The following CD300LB variants were observed in gnomAD, a reference collection of about 807,000 sequenced individuals.
CD300LB encodes CD300 molecule like family member b, also known as CMRF35-like molecule 7.
Under a neutral mutation model 20.8 loss-of-function variants are expected in CD300LB, and 18 were observed. That is an observed-to-expected ratio of 0.87 (90% CI 0.60 to 1.28). CD300LB has a LOEUF of 1.28. Ranked by LOEUF, CD300LB falls within the 50% of genes most tolerant of loss-of-function variation. The pLI, the probability that CD300LB is intolerant of heterozygous loss-of-function variation, is 0.00. For missense variants in CD300LB, 222 were observed against 251.8 expected (o/e 0.88, Z 0.80); for synonymous variants, 91 against 91.3 (o/e 1.00, Z 0.02).
At chr17:74,525,320 C>T (rs1907996586) in intron 2 of CD300LB, among the ~76,000 whole-genome samples, 1 of 152,138 alleles carries the variant, frequency 6.6e-6, no homozygotes, top group Admixed American at 6.5e-5. Flanking sequence ...GAGCAGGTGG[C>T]TGGGGACCTA....
intron 2 of CD300LB, among the ~76,000 whole-genome samples, chr17:74,524,839 C>T (rs1045775190): frequency 1.3e-5 from 2 of 152,194 alleles, no homozygotes; most frequent in Non-Finnish European, 2.9e-5. Context: ...GCTCAATCCC[C>T]TCTCTGCCCC....
At chr17:74,523,163 G>A (rs1907933561) in intron 3 of CD300LB, 1 of 533,774 alleles carries the variant, frequency 1.9e-6, no homozygotes, top group Non-Finnish European at 3.4e-6. Flanking sequence ...CAGCTCAACA[G>A]AAGCGCCAGA....
intron 2 of CD300LB, among the ~76,000 whole-genome samples, chr17:74,524,171 C>T (rs191139838): frequency 1.6e-3 from 237 of 152,340 alleles, no homozygotes; most frequent in Non-Finnish European, 2.9e-3. Context: ...TTAGGAGCAA[C>T]CATATAGGCA....
chr17:74,530,864 G>T (rs746149760), intron 1 of CD300LB, among the ~76,000 whole-genome samples: 10 of 151,642 alleles, frequency 6.6e-5, no homozygotes, highest in African/African-American at 1.2e-4. Flanking sequence ...GGAGTGCTGT[G>T]GTGCGATCAT....
At position 74,531,456 on chromosome 17, in the gene CD300LB, G is replaced by T; in HGVS notation, c.-106C>A. 1 of 1,591,492 alleles carries T rather than the reference G, an allele frequency of 6.3e-7. No homozygotes were observed. On this transcript the variant is annotated 5_prime_UTR_variant, in exon 1 of 4. An upstream open reading frame in the 5' UTR gains an earlier in-frame stop. Transcript: ENST00000392621. ...GCCTGAGCTCTGGCTTGCACCTTCT[G>T]CACATCTAGACCGCCTTTGACTTTC...
chr17:74,526,558 C>T (rs1908042561), intron 1 of CD300LB, among the ~76,000 whole-genome samples: 1 of 152,076 alleles, frequency 6.6e-6, no homozygotes, highest in Non-Finnish European at 1.5e-5. Flanking sequence ...ACTAAAAATA[C>T]AAAAATTAGC....
chr17:74,524,644 C>A (rs1033209376), intron 2 of CD300LB, among the ~76,000 whole-genome samples: 47 of 152,262 alleles, frequency 3.1e-4, no homozygotes, highest in African/African-American at 1.1e-3. Flanking sequence ...CAGGCTTTGG[C>A]CACACTAGGT....
chr17:74,530,247 C>T (rs1043941503), intron 1 of CD300LB, among the ~76,000 whole-genome samples: 3 of 152,200 alleles, frequency 2.0e-5, no homozygotes, highest in Non-Finnish European at 4.4e-5. Flanking sequence ...CTGTGTGGCC[C>T]ACACACATTG....
At chr17:74,528,796 G>C (rs777104119) in intron 1 of CD300LB, among the ~76,000 whole-genome samples, 11 of 152,338 alleles carry the variant, frequency 7.2e-5, no homozygotes, top group Middle Eastern at 3.4e-3. Flanking sequence ...TTATTCATAA[G>C]ACAGTCATGC....
chr17:74,521,308 C>T lies in CD300LB; in HGVS notation c.*1430G>A. ...GAAGCACCATGCTTTGGCTTTCCCT[C>T]CCGCGGAGCGGTGCCGTCCTCCCTG... On this transcript the variant is annotated 3_prime_UTR_variant, in exon 4 of 4. Coordinates refer to ENST00000392621, the MANE Select transcript of CD300LB (RefSeq NM_174892.4). 1 of 977,416 alleles carries T rather than the reference C, an allele frequency of 1.0e-6. No individual in the cohort carries two copies. The highest frequency in any genetic ancestry group is 1.2e-6 in the Non-Finnish European group (1 of 822,604). 60.5% of individuals were successfully genotyped at this position (977,416 alleles called of 1,614,324 possible).
intron 1 of CD300LB, among the ~76,000 whole-genome samples, chr17:74,529,508 G>C (rs146120646): frequency 5.3e-5 from 8 of 151,944 alleles, no homozygotes; most frequent in Admixed American, 1.3e-4. Context: ...AAGTCTTTTC[G>C]GGGCCGGGCA....
In CD300LB at chr17:74,525,758, G is replaced by A. The variant is rs17553512; in HGVS notation, c.360C>T (p.Ile120=). ...GPDLGTQVKV[I]VDPEGAASTT... ...TGAGAAAGTTCTTACCTGGGTCAAC[G>A]ATCACTTTCACTTGAGTCCCAAGGT... Residue 120 remains isoleucine (I), a synonymous_variant, in exon 2 of 4, where the codon ATC becomes ATT. Transcript: ENST00000392621. 816,740 of 1,612,034 alleles carry A rather than the reference G, an allele frequency of 0.51. 218,323 individuals are homozygous for A. Among genetic ancestry groups the A allele is most frequent in the Middle Eastern group, 0.6 (3,610 of 6,052 alleles).
In CD300LB at chr17:74,522,210, G is replaced by A; in HGVS notation, c.*528C>T. On this transcript the variant is annotated 3_prime_UTR_variant, in exon 4 of 4. Coordinates refer to ENST00000392621, the MANE Select transcript of CD300LB (RefSeq NM_174892.4). ...GGTCCATCCAGCCCCTCATGCCCTA[G>A]AACCAGGAACTCATCCCAGAATCAC... The A allele has an allele frequency of 1.0e-6, 1 of 985,942 alleles. No homozygotes were observed. Among genetic ancestry groups the A allele is most frequent in the Non-Finnish European group, 1.2e-6 (1 of 830,244 alleles). The allele number at this position is 985,942 out of a possible 1,614,324, so 61.1% of individuals were successfully genotyped here.
At chr17:74,529,022 TG>T (rs1174547362) in intron 1 of CD300LB, among the ~76,000 whole-genome samples, 2 of 151,990 alleles carry the variant, frequency 1.3e-5, no homozygotes, top group Non-Finnish European at 2.9e-5. Context: ...CCCCACTGCT[TG>T]GGGGGCTGAG....
rs759025254 is a variant in CD300LB, at chr17:74,525,878, G to A, written c.240C>T (p.Asp80=). 2 of 1,614,080 alleles carry A rather than the reference G, an allele frequency of 1.2e-6. No individual in the cohort carries two copies. The change falls in exon 2 of 4, where the codon GAC becomes GAT. Residue 80 remains aspartate, a synonymous_variant. Transcript: ENST00000392621. ...GEKSDRVSIK[D]NQKDRTFTVT... ...CAGTGAACGTGCGGTCTTTCTGATT[G>A]TCCTTGATGGACACACGGTCACTCT...
rs1034712778 is a variant in CD300LB at position 74,521,263 on chromosome 17, C to T, written c.*1475G>A. Reference sequence around the variant, plus strand: ...ACGTTGACAAGCGCCCATGTCCCCTCGCCCCTGAGTCCAGCTGGTGAAGCA... The same window carrying T: ...ACGTTGACAAGCGCCCATGTCCCCTTGCCCCTGAGTCCAGCTGGTGAAGCA... On this transcript the variant is annotated 3_prime_UTR_variant, in exon 4 of 4. Coordinates refer to ENST00000392621, the MANE Select transcript of CD300LB (RefSeq NM_174892.4). The T allele has an allele frequency of 1.1e-4, 76 of 686,612 alleles. No individual in the cohort carries two copies. The highest frequency in any genetic ancestry group is 1.3e-4 in the South Asian group (2 of 15,344). 42.5% of individuals were successfully genotyped at this position (686,612 alleles called of 1,614,324 possible). A position where few individuals can be genotyped will look rare whatever the true frequency, so the allele number is the denominator to read the frequency against.
At chr17:74,527,012 GACTCCCC>G (rs1908055913) in intron 1 of CD300LB, among the ~76,000 whole-genome samples, 1 of 152,172 alleles carries the variant, frequency 6.6e-6, no homozygotes, top group South Asian at 2.1e-4. Flanking sequence ...TTGCAGCTCA[GACTCCCC>G]TTAGCTAGCC....
rs534969597 is a variant in CD300LB at position 74,521,988 on chromosome 17, G to A, written c.*750C>T. The A allele has an allele frequency of 1.0e-6, 1 of 985,332 alleles. No individual in the cohort carries two copies. Among genetic ancestry groups the A allele is most frequent in the Non-Finnish European group, 1.2e-6 (1 of 829,944 alleles). 61.0% of individuals were successfully genotyped at this position (985,332 alleles called of 1,614,324 possible). A position where few individuals can be genotyped will look rare whatever the true frequency, so the allele number is the denominator to read the frequency against. On this transcript the variant is annotated 3_prime_UTR_variant, in exon 4 of 4. Transcript: ENST00000392621. ...TTCTTGAGGCCTGACAGGCTCTTTTGGGGAGGAGACCCAAGCTGTCATGCT... is the reference window on the plus strand; with the variant it reads ...TTCTTGAGGCCTGACAGGCTCTTTTAGGGAGGAGACCCAAGCTGTCATGCT...
At chr17:74,531,215 C>T in intron 1 of CD300LB, 96 bp downstream of exon 1, 3 of 1,391,864 alleles carry the variant, frequency 2.2e-6, no homozygotes, top group Non-Finnish European at 2.9e-6. Context: ...CTTCACAAAG[C>T]CACCTCTCAT....
Sources: allele counts gnomAD v4.1 joint callset (sites outside exome capture counted in the v4.1 genomes callset), GRCh38; gene constraint gnomAD v4.1.1; transcripts MANE v1.5; gene names NCBI Gene and HGNC (gene_info 2026-07-23, HGNC 2026-07-21).